DYNLT5: variants seen among roughly 807,000 people sequenced by gnomAD.
The protein encoded by DYNLT5 is dynein light chain Tctex-type 5.
DYNLT5 carries 25 observed loss-of-function variants against 19.3 expected under a neutral mutation model. The observed-to-expected ratio is 1.30, with a 90% CI of 0.95 to 1.81. The LOEUF (loss-of-function observed/expected upper bound fraction) is 1.81, where lower values mean the gene tolerates loss of function less well. DYNLT5 is among the 40% of genes most tolerant of loss of function. DYNLT5 has a pLI of 0.00. For missense variants in DYNLT5, 232 were observed against 217.9 expected (o/e 1.06, Z -0.41); for synonymous variants, 82 against 68.9 (o/e 1.19, Z -0.94).
chr1:66,760,665 C>T (rs1377569586), intron 2 of DYNLT5, among the ~76,000 whole-genome samples: 2 of 152,214 alleles, frequency 1.3e-5, no homozygotes, highest in African/African-American at 2.4e-5. Context: ...GGCCACACTC[C>T]TCCTTGATGA....
rs1319844643 is a variant in DYNLT5, at chr1:66,778,394, A to C, written c.*940A>C. On this transcript the variant is annotated 3_prime_UTR_variant, in exon 5 of 5. Transcript: ENST00000282670. ...TTTGAATAGACGGGTGCTAAAATTT[A>C]CAGGGCTGAAATAGCTTATTATTCT... 1 of 152,670 alleles carries C rather than the reference A, an allele frequency of 6.6e-6. No individual in the cohort carries two copies. Among genetic ancestry groups the C allele is most frequent in the Admixed American group, 6.5e-5 (1 of 15,278 alleles). The allele number at this position is 152,670 out of a possible 1,614,324, so 9.5% of individuals were successfully genotyped here.
chr1:66,775,937 G>T (rs114285111), intron 3 of DYNLT5, among the ~76,000 whole-genome samples: 1 of 152,106 alleles, frequency 6.6e-6, no homozygotes, highest in African/African-American at 2.4e-5. Flanking sequence ...AGATAGATTG[G>T]AGCGGGAGAT....
At chr1:66,766,432 A>G (rs116655411) in intron 2 of DYNLT5, among the ~76,000 whole-genome samples, 2,185 of 152,278 alleles carry the variant, frequency 0.014, 42 homozygotes, top group African/African-American at 0.049. Context: ...ATTTATCTTT[A>G]AAGATTTCAA....
intron 2 of DYNLT5, among the ~76,000 whole-genome samples, chr1:66,761,612 C>T (rs1306782496): frequency 6.6e-6 from 1 of 152,054 alleles, no homozygotes; most frequent in Non-Finnish European, 1.5e-5. Context: ...GTGAGACACC[C>T]CCTTCCCTAC....
chr1:66,765,404 T>C (rs1251113073), intron 2 of DYNLT5, among the ~76,000 whole-genome samples: 2 of 152,148 alleles, frequency 1.3e-5, no homozygotes, highest in African/African-American at 4.8e-5. Context: ...CTAGGTATAA[T>C]AATAACTCTG....
At chr1:66,760,431 G>A (rs1381128237) in intron 2 of DYNLT5, among the ~76,000 whole-genome samples, 1 of 152,090 alleles carries the variant, frequency 6.6e-6, no homozygotes, top group African/African-American at 2.4e-5. Context: ...AGTTTCTTTT[G>A]CTCACGAACA....
intron 2 of DYNLT5, among the ~76,000 whole-genome samples, chr1:66,768,057 C>T (rs550386724): frequency 1.6e-3 from 246 of 152,064 alleles, no homozygotes; most frequent in African/African-American, 5.1e-3. Flanking sequence ...GTCCCTGACA[C>T]GATGTTCATT....
At chr1:66,769,035 T>C (rs933080122) in intron 2 of DYNLT5, among the ~76,000 whole-genome samples, 2 of 152,206 alleles carry the variant, frequency 1.3e-5, no homozygotes, top group African/African-American at 4.8e-5. Flanking sequence ...TATATAGTAA[T>C]GGAGCAGACT....
At chr1:66,767,118 A>G (rs1557872595) in intron 2 of DYNLT5, among the ~76,000 whole-genome samples, 2 of 151,680 alleles carry the variant, frequency 1.3e-5, no homozygotes, top group Admixed American at 6.6e-5. Flanking sequence ...AAACCTTCAC[A>G]TGTACCCCCT....
chr1:66,760,205 T>C (rs547352086), intron 2 of DYNLT5, among the ~76,000 whole-genome samples: 1 of 152,356 alleles, frequency 6.6e-6, no homozygotes, highest in East Asian at 1.9e-4. Context: ...ATATATAATT[T>C]GCTTGTTTAG....
chr1:66,754,719 A>C lies in DYNLT5; in HGVS notation c.61A>C (p.Ile21Leu). The C allele has an allele frequency of 6.2e-7, 1 of 1,613,416 alleles. No homozygotes were observed. Among genetic ancestry groups the C allele is most frequent in the East Asian group, 2.2e-5 (1 of 44,794 alleles). Residue 21 changes from isoleucine (I) to leucine (L), a missense_variant, in exon 2 of 5, where the codon ATT (isoleucine) becomes CTT (leucine). By Grantham distance (5) the Ile-to-Leu change is conservative. Transcript: ENST00000282670. The stretch of plus-strand genomic sequence containing the variant: ...TCATTCATGGAAGAAAAGAGGGAGT[A>C]TTTCTTCTCTAAGTAATCATGAATT... ...AAHSWKKRGS[I>L]SSLSNHEFWR...
At chr1:66,757,129 T>C (rs565108278) in intron 2 of DYNLT5, among the ~76,000 whole-genome samples, 7 of 152,310 alleles carry the variant, frequency 4.6e-5, no homozygotes, top group African/African-American at 1.4e-4. Flanking sequence ...ATGGACTTAT[T>C]TGTCTTTTTA....
At chr1:66,765,098 G>A (rs1037995607) in intron 2 of DYNLT5, among the ~76,000 whole-genome samples, 7 of 152,114 alleles carry the variant, frequency 4.6e-5, no homozygotes, top group Admixed American at 3.3e-4. Flanking sequence ...TTTGTTGAAA[G>A]AATGAAGAAA....
intron 3 of DYNLT5, among the ~76,000 whole-genome samples, chr1:66,773,212 G>A (rs556913560): frequency 1.1e-3 from 173 of 152,200 alleles, no homozygotes; most frequent in Non-Finnish European, 2.1e-3. Context: ...CATGGACTGC[G>A]AGCACCGAGC....
chr1:66,772,805 A>G (rs114905396), intron 3 of DYNLT5, among the ~76,000 whole-genome samples: 1,534 of 152,326 alleles, frequency 0.01, 29 homozygotes, highest in African/African-American at 0.035. Context: ...GTTTCTTTTA[A>G]TAAAATACCA....
At chr1:66,765,797 A>T (rs1557872210) in intron 2 of DYNLT5, among the ~76,000 whole-genome samples, 3 of 151,806 alleles carry the variant, frequency 2.0e-5, no homozygotes, top group South Asian at 2.1e-4. Flanking sequence ...TTCTTAAATA[A>T]TTTTTTTGTC....
intron 1 of DYNLT5, among the ~76,000 whole-genome samples, chr1:66,753,190 A>G (rs973308925): frequency 1.3e-5 from 2 of 152,090 alleles, no homozygotes; most frequent in African/African-American, 4.8e-5. Context: ...ACCCACACAC[A>G]GCACCTCTGC....
At chr1:66,776,577 GTA>G (rs35737694) in intron 4 of DYNLT5, among the ~76,000 whole-genome samples, 174 bp downstream of exon 4, 16,146 of 151,822 alleles carry the variant, frequency 0.11, 915 homozygotes, top group South Asian at 0.16. Flanking sequence ...GTGTGTGTGT[GTA>G]TATACATAAA....
At chr1:66,759,330 C>T (rs1379192909) in intron 2 of DYNLT5, among the ~76,000 whole-genome samples, 1 of 152,134 alleles carries the variant, frequency 6.6e-6, no homozygotes, top group Non-Finnish European at 1.5e-5. Flanking sequence ...GAAGAAAGCA[C>T]AGGCCCATAT....
Sources: gnomAD v4.1 joint callset for allele counts (sites outside exome capture counted in the v4.1 genomes callset) on GRCh38, gnomAD v4.1.1 for gene constraint, MANE v1.5 for transcripts, NCBI Gene and HGNC (gene_info 2026-07-23, HGNC 2026-07-21) for gene names.